The following COL24A1 variants were observed in gnomAD, a reference collection of about 807,000 sequenced individuals.
COL24A1 encodes the protein collagen alpha-1(XXIV) chain.
A neutral mutation model predicts 253.9 loss-of-function variants in COL24A1; 224 were observed. The ratio of observed to expected loss-of-function variants is 0.88; its 90% CI spans 0.79 to 0.99. The LOEUF is 0.99. COL24A1 is among the 50% of genes least tolerant of loss of function. COL24A1 has a pLI of 0.00. For synonymous variants in COL24A1, 685 were observed against 673.7 expected (o/e 1.02, Z -0.26); for missense variants, 2,131 against 2,068.5 (o/e 1.03, Z -0.59).
intron 24 of COL24A1, among the ~76,000 whole-genome samples, chr1:85,922,433 C>A (rs899705920): frequency 2.0e-4 from 30 of 152,160 alleles, no homozygotes; most frequent in South Asian, 6.2e-4. Flanking sequence ...GTCAGGTTAA[C>A]CACAAAGGGA....
intron 47 of COL24A1, among the ~76,000 whole-genome samples, chr1:85,799,219 GA>G (rs1671151032): frequency 8.5e-6 from 1 of 117,560 alleles, no homozygotes; most frequent in Non-Finnish European, 2.0e-5. Flanking sequence ...ATAAAAGAAA[GA>G]AAGAAAGAAA....
chr1:86,049,602 T>G (rs1301175682), intron 11 of COL24A1, among the ~76,000 whole-genome samples: 4 of 152,184 alleles, frequency 2.6e-5, no homozygotes, highest in African/African-American at 7.2e-5. Flanking sequence ...ATGATGAAGC[T>G]GCAATGCCAT....
chr1:85,873,571 A>C (rs1435101519), intron 35 of COL24A1, among the ~76,000 whole-genome samples: 3 of 152,228 alleles, frequency 2.0e-5, no homozygotes, highest in African/African-American at 7.2e-5. Flanking sequence ...CATCATTCTC[A>C]GCAAATTATC....
intron 22 of COL24A1, among the ~76,000 whole-genome samples, chr1:85,969,009 T>C (rs1219166151): frequency 6.6e-6 from 1 of 152,150 alleles, no homozygotes; most frequent in East Asian, 1.9e-4. Flanking sequence ...AGATGATTCA[T>C]ATACTTATAG....
At chr1:86,130,622 A>T (rs941050671) in intron 2 of COL24A1, among the ~76,000 whole-genome samples, 2 of 151,852 alleles carry the variant, frequency 1.3e-5, no homozygotes, top group African/African-American at 4.8e-5. Flanking sequence ...ACCTTCTAAT[A>T]TTAGTCTATA....
Position 86,115,406 on chromosome 1 carries a change from G to A in COL24A1, c.1492-28C>T, listed in dbSNP as rs1162727975. 3 of 1,598,184 alleles carry A rather than the reference G, an allele frequency of 1.9e-6. No individual in the cohort carries two copies. The South Asian group carries it at 3.3e-5, about 18-fold the overall frequency. ...TGGAAAACAAATGTCAAGACATTAG[G>A]CATGATAGTGGACACATTTATTTTC... On this transcript the variant is annotated intron_variant, in intron 3 of 59. Transcript: ENST00000370571.
chr1:85,795,593 A>C (rs1467454847), intron 47 of COL24A1, among the ~76,000 whole-genome samples: 2 of 152,122 alleles, frequency 1.3e-5, no homozygotes, highest in African/African-American at 4.8e-5. Context: ...ACTGAACTTC[A>C]TATTGGTTGA....
chr1:85,756,531 G>T (rs1467853470), intron 55 of COL24A1, among the ~76,000 whole-genome samples: 1 of 152,178 alleles, frequency 6.6e-6, no homozygotes, highest in Non-Finnish European at 1.5e-5. Context: ...TAACCATTAG[G>T]ATGGCTGTTA....
chr1:85,969,370 C>T (rs546819089), intron 22 of COL24A1, among the ~76,000 whole-genome samples: 23 of 151,754 alleles, frequency 1.5e-4, no homozygotes, highest in African/African-American at 4.6e-4. Context: ...TTTGGGAGGC[C>T]GAGGTGGGTG....
chr1:85,963,945 G>T (rs144822915), intron 23 of COL24A1, among the ~76,000 whole-genome samples: 1 of 152,102 alleles, frequency 6.6e-6, no homozygotes, highest in Non-Finnish European at 1.5e-5. Flanking sequence ...ATTTTTCAGA[G>T]GACTTTTATA....
intron 19 of COL24A1, among the ~76,000 whole-genome samples, chr1:85,989,267 T>C (rs146002160): frequency 4.6e-5 from 7 of 152,246 alleles, no homozygotes; most frequent in African/African-American, 1.7e-4. Flanking sequence ...CACCTTGAGG[T>C]AATCCACCAG....
intron 18 of COL24A1, among the ~76,000 whole-genome samples, chr1:86,021,355 T>C (rs958210197): frequency 6.6e-6 from 1 of 152,164 alleles, no homozygotes; most frequent in East Asian, 1.9e-4. Flanking sequence ...ATTAAACTCC[T>C]AAAACCATCT....
chr1:86,040,649 G>C (rs12408108), intron 12 of COL24A1, among the ~76,000 whole-genome samples: 19,886 of 151,920 alleles, frequency 0.13, 1,420 homozygotes, highest in Middle Eastern at 0.24. Flanking sequence ...TGCCAACCCT[G>C]TGGTGGGGTT....
At chr1:86,056,288 C>T (rs1388911339) in intron 10 of COL24A1, among the ~76,000 whole-genome samples, 1 of 152,092 alleles carries the variant, frequency 6.6e-6, no homozygotes, top group Admixed American at 6.5e-5. Context: ...ACAGCATGAG[C>T]TCATGAAAAG....
At position 85,786,443 on chromosome 1, in the gene COL24A1, C is replaced by T. The variant is rs759563671; in HGVS notation, c.3970G>A (p.Gly1324Arg). The T allele has an allele frequency of 6.2e-7, 1 of 1,613,542 alleles. No homozygotes were observed. The highest frequency in any genetic ancestry group is 2.2e-5 in the East Asian group (1 of 44,862). ...GGAGCCCCAGCAAGACCTGTTCTTCCTGGGCCGCCTCTGATGCCCTAAATA... is the reference window on the plus strand; with the variant it reads ...GGAGCCCCAGCAAGACCTGTTCTTCTTGGGCCGCCTCTGATGCCCTAAATA... ...QGLPGIRGGP[G>R]RTGLAGAPGP... Residue 1324 changes from glycine to arginine, a missense_variant, in exon 48 of 60, where the codon GGA becomes AGA. Coordinates refer to ENST00000370571, the MANE Select transcript of COL24A1 (RefSeq NM_152890.7).
chr1:85,900,066 G>T (rs1415003317), intron 28 of COL24A1, among the ~76,000 whole-genome samples: 1 of 152,156 alleles, frequency 6.6e-6, no homozygotes, highest in Non-Finnish European at 1.5e-5. Context: ...CACAAGTAAA[G>T]TGCTGATTGG....
chr1:85,997,083 C>G (rs567999018), intron 19 of COL24A1, among the ~76,000 whole-genome samples: 24 of 76,690 alleles, frequency 3.1e-4, no homozygotes, highest in African/African-American at 1.1e-3. Flanking sequence ...ATATATATAC[C>G]AGTTAGTAGA....
At chr1:85,999,819 T>A (rs1340544783) in intron 19 of COL24A1, among the ~76,000 whole-genome samples, 1 of 152,166 alleles carries the variant, frequency 6.6e-6, no homozygotes, top group East Asian at 1.9e-4. Flanking sequence ...AGAACTTTGG[T>A]TGGTTCACCT....
At chr1:85,797,191 G>A (rs111597508) in intron 47 of COL24A1, among the ~76,000 whole-genome samples, 4 of 127,392 alleles carry the variant, frequency 3.1e-5, no homozygotes, top group African/African-American at 1.2e-4. Context: ...CTGGGCGACA[G>A]AGCGAGACTC....
Sources: allele counts gnomAD v4.1 joint callset (sites outside exome capture counted in the v4.1 genomes callset), GRCh38; gene constraint gnomAD v4.1.1; transcripts MANE v1.5; gene names NCBI Gene and HGNC (gene_info 2026-07-23, HGNC 2026-07-21).